The following LRRC4C variants were observed in gnomAD, a reference collection of about 807,000 sequenced individuals.
The protein encoded by LRRC4C is leucine rich repeat containing 4C, also known as leucine-rich repeat-containing protein 4C.
In LRRC4C, 5 loss-of-function variants were observed where a neutral mutation model predicts 33.6. That is an observed-to-expected ratio of 0.15 (90% CI 0.08 to 0.31). The LOEUF (loss-of-function observed/expected upper bound fraction) is 0.31. Among genes scored for constraint, LRRC4C ranks in the 10% least tolerant of loss-of-function variants. LRRC4C has a pLI of 1.00. For missense variants in LRRC4C, 560 were observed against 796.7 expected, an observed-to-expected ratio of 0.70 and a Z score of 3.58; for synonymous variants, 329 against 302.0, an observed-to-expected ratio of 1.09 and a Z score of -0.93.
chr11:41,101,516 C>T (rs1319399858), intron 1 of LRRC4C, among the ~76,000 whole-genome samples: 1 of 151,972 alleles, frequency 6.6e-6, no homozygotes, highest in African/African-American at 2.4e-5. Context: ...GGTGAGGTTG[C>T]AGAGAAAAGG....
intron 2 of LRRC4C, among the ~76,000 whole-genome samples, chr11:40,679,685 A>G (rs1944580793): frequency 2.0e-5 from 3 of 152,172 alleles, no homozygotes; most frequent in Admixed American, 2.0e-4. Context: ...CTGTGAGTAC[A>G]CAGAAGTCAA....
At chr11:40,308,556 G>C (rs186714799) in intron 4 of LRRC4C, among the ~76,000 whole-genome samples, 51 of 152,194 alleles carry the variant, frequency 3.4e-4, no homozygotes, top group East Asian at 5.8e-4. Context: ...TAATTATAAG[G>C]GTCCTTATAA....
At chr11:40,618,117 G>T (rs1168670642) in intron 3 of LRRC4C, among the ~76,000 whole-genome samples, 2 of 151,640 alleles carry the variant, frequency 1.3e-5, no homozygotes, top group African/African-American at 2.4e-5. Flanking sequence ...TATCTATTTA[G>T]AACCTCAGAA....
intron 1 of LRRC4C, among the ~76,000 whole-genome samples, chr11:41,403,585 G>A (rs1954106907): frequency 6.6e-6 from 1 of 152,050 alleles, no homozygotes; most frequent in South Asian, 2.1e-4. Flanking sequence ...AAGCTGTTGT[G>A]CCAGGCAATG....
In LRRC4C at chr11:41,340,166, G is replaced by A. The variant is rs182290976; in HGVS notation, c.-496+119265C>T. 2.6e-3 allele frequency among the ~76,000 whole-genome samples: 397 copies of A among 152,232 alleles called. 7 individuals carry two copies. Among genetic ancestry groups the A allele is most frequent in the Non-Finnish European group, 7.6e-4 (52 of 67,998 alleles). ...TTTACAGAATGAGAACACAGAGGAC[G>A]AAAGAATTGACTGGCTTTCCCAACC... On this transcript the variant is annotated intron_variant, in intron 1 of 6. Coordinates refer to ENST00000528697, the MANE Select transcript of LRRC4C (RefSeq NM_001258419.2).
chr11:41,352,455 A>G (rs530139509), intron 1 of LRRC4C, among the ~76,000 whole-genome samples: 2 of 152,276 alleles, frequency 1.3e-5, no homozygotes, highest in Admixed American at 6.5e-5. Flanking sequence ...TGTTTGACAG[A>G]TCATCAATGG....
At chr11:41,080,120 T>A (rs1939454065) in intron 1 of LRRC4C, among the ~76,000 whole-genome samples, 1 of 152,296 alleles carries the variant, frequency 6.6e-6, no homozygotes, top group East Asian at 1.9e-4. Flanking sequence ...CAGAAGTTAA[T>A]TTTAGGGGTG....
At chr11:41,137,204 T>C (rs891622564) in intron 1 of LRRC4C, among the ~76,000 whole-genome samples, 2 of 151,836 alleles carry the variant, frequency 1.3e-5, no homozygotes, top group Non-Finnish European at 2.9e-5. Flanking sequence ...ATCATGCCAC[T>C]GCACTCCAGC....
At chr11:41,402,926 G>A (rs12271057) in intron 1 of LRRC4C, among the ~76,000 whole-genome samples, 11,864 of 152,046 alleles carry the variant, frequency 0.078, 1,520 homozygotes, top group African/African-American at 0.27. Flanking sequence ...TTTAAAATAT[G>A]CAATTTACCT....
intron 1 of LRRC4C, among the ~76,000 whole-genome samples, chr11:41,228,232 T>C (rs1947629940): frequency 6.6e-6 from 1 of 152,106 alleles, no homozygotes; most frequent in South Asian, 2.1e-4. Flanking sequence ...CAATTTTCTC[T>C]TACTGATTTT....
intron 4 of LRRC4C, among the ~76,000 whole-genome samples, chr11:40,265,860 ATAAT>A (rs1942215292): frequency 6.6e-6 from 1 of 152,226 alleles, no homozygotes; most frequent in African/African-American, 2.4e-5. Flanking sequence ...AAATCTAAAC[ATAAT>A]TTGTTTGTTT....
chr11:41,100,982 T>C (rs556312846), intron 1 of LRRC4C, among the ~76,000 whole-genome samples: 49 of 151,948 alleles, frequency 3.2e-4, no homozygotes, highest in Admixed American at 2.0e-3. Context: ...GATAGCTGTC[T>C]AGCCATATAC....
intron 5 of LRRC4C, among the ~76,000 whole-genome samples, chr11:40,148,059 A>G (rs565139122): frequency 2.6e-5 from 4 of 151,968 alleles, no homozygotes; most frequent in Admixed American, 1.3e-4. Context: ...CCATGTCCAT[A>G]CTATGGCTGC....
intron 1 of LRRC4C, among the ~76,000 whole-genome samples, chr11:41,096,567 C>T (rs1015319870): frequency 6.6e-6 from 1 of 152,082 alleles, no homozygotes; most frequent in African/African-American, 2.4e-5. Flanking sequence ...TGAGTTGGTG[C>T]TTCTTTGTGT....
intron 3 of LRRC4C, among the ~76,000 whole-genome samples, chr11:40,319,945 T>C (rs1945758996): frequency 6.6e-6 from 1 of 152,030 alleles, no homozygotes; most frequent in South Asian, 2.1e-4. Flanking sequence ...ATTATATATA[T>C]ACAACATATA....
intron 5 of LRRC4C, among the ~76,000 whole-genome samples, chr11:40,184,638 T>TG (rs1370033316): frequency 1.3e-5 from 2 of 152,094 alleles, no homozygotes; most frequent in African/African-American, 4.8e-5. Context: ...CAAATCTCAG[T>TG]GTTAAGAAAG....
chr11:40,179,766 A>C (rs1376066953), intron 5 of LRRC4C, among the ~76,000 whole-genome samples: 2 of 152,200 alleles, frequency 1.3e-5, no homozygotes, highest in Non-Finnish European at 2.9e-5. Context: ...GTAAAACTAA[A>C]GCATACAACC....
At chr11:40,792,337 G>A (rs1384054531) in intron 2 of LRRC4C, among the ~76,000 whole-genome samples, 1 of 151,874 alleles carries the variant, frequency 6.6e-6, no homozygotes, top group Non-Finnish European at 1.5e-5. Flanking sequence ...AAGGTGAGAA[G>A]ACATGCAGAC....
At chr11:40,858,528 C>G (rs59260537) in intron 2 of LRRC4C, among the ~76,000 whole-genome samples, 2 of 151,678 alleles carry the variant, frequency 1.3e-5, no homozygotes, top group South Asian at 4.2e-4. Flanking sequence ...AATCCCATCT[C>G]TACTAAAAAT....
Sources: gnomAD v4.1 joint callset for allele counts (sites outside exome capture counted in the v4.1 genomes callset) on GRCh38, gnomAD v4.1.1 for gene constraint, MANE v1.5 for transcripts, NCBI Gene and HGNC (gene_info 2026-07-23, HGNC 2026-07-21) for gene names.